PPP1R3A: variants seen among roughly 807,000 people sequenced by gnomAD.
The protein encoded by PPP1R3A is RG1.
Under a neutral mutation model 41.7 loss-of-function variants are expected in PPP1R3A, and 29 were observed. The observed-to-expected ratio is 0.70, with a 90% CI of 0.52 to 0.95. PPP1R3A has a LOEUF of 0.95. Ranked by LOEUF, PPP1R3A falls within the 40% of genes least tolerant of loss-of-function variation. PPP1R3A has a pLI of 0.00. For synonymous variants in PPP1R3A, 485 were observed against 453.4 expected (o/e 1.07, Z -0.89); for missense variants, 1,352 against 1,292.4 (o/e 1.05, Z -0.71).
intron 1 of PPP1R3A, among the ~76,000 whole-genome samples, chr7:113,909,075 C>T (rs181014597): frequency 7.2e-5 from 11 of 151,804 alleles, no homozygotes; most frequent in African/African-American, 2.4e-4. Context: ...AGTCCAAACC[C>T]CAGCCTTATG....
chr7:113,917,702 T>G (rs1797363849), intron 1 of PPP1R3A, among the ~76,000 whole-genome samples: 1 of 152,080 alleles, frequency 6.6e-6, no homozygotes, highest in Non-Finnish European at 1.5e-5. Context: ...TAAATTAACA[T>G]GTATCACTTC....
chr7:113,900,833 CTTA>C (rs1797050185), intron 1 of PPP1R3A, among the ~76,000 whole-genome samples: 1 of 149,628 alleles, frequency 6.7e-6, no homozygotes, highest in Non-Finnish European at 1.5e-5. Context: ...AAAAATATTT[CTTA>C]TAAGTACTAA....
chr7:113,896,572 A>T (rs1476904264), intron 1 of PPP1R3A, among the ~76,000 whole-genome samples: 1 of 151,908 alleles, frequency 6.6e-6, no homozygotes, highest in African/African-American at 2.4e-5. Flanking sequence ...AAACATGAGT[A>T]GCATAATTAG....
intron 1 of PPP1R3A, among the ~76,000 whole-genome samples, chr7:113,903,558 A>G (rs1313158764): frequency 1.3e-5 from 2 of 151,808 alleles, no homozygotes; most frequent in African/African-American, 4.8e-5. Flanking sequence ...GACCATTCGT[A>G]TAACATCATC....
chr7:113,883,558 A>G (rs1053172497), intron 1 of PPP1R3A, among the ~76,000 whole-genome samples: 2 of 151,966 alleles, frequency 1.3e-5, no homozygotes, highest in East Asian at 3.9e-4. Flanking sequence ...TAATTTTATT[A>G]GAAAAATATA....
intron 1 of PPP1R3A, among the ~76,000 whole-genome samples, chr7:113,915,264 T>C (rs1584422680): frequency 6.6e-6 from 1 of 151,998 alleles, no homozygotes; most frequent in East Asian, 1.9e-4. Context: ...AGAGAAAACA[T>C]AATGCCTGGG....
rs746222515 is a variant in PPP1R3A at position 113,879,340 on chromosome 7, T to A, written c.1752A>T (p.Ser584=). Residue 584 remains serine, a synonymous_variant, in exon 4 of 4, where the codon TCA becomes TCT. Transcript: ENST00000284601. ...CTTCCCAACTTAAATTTGTCCTTGG[T>A]GAATGAGACACATCTGCTGTGATTG... ...TRAITADVSH[S]PRTNLSWEEA... 6.2e-7 allele frequency: 1 copy of A among 1,613,630 alleles called. No homozygotes were observed. Among genetic ancestry groups the A allele is most frequent in the East Asian group, 2.2e-5 (1 of 44,826 alleles).
chr7:113,888,979 C>G (rs748009798), intron 1 of PPP1R3A, among the ~76,000 whole-genome samples: 1 of 152,152 alleles, frequency 6.6e-6, no homozygotes, highest in Non-Finnish European at 1.5e-5. Flanking sequence ...TCAAATATAA[C>G]AATAGTTCCC....
At chr7:113,888,828 C>T (rs1182713719) in intron 1 of PPP1R3A, among the ~76,000 whole-genome samples, 1 of 152,134 alleles carries the variant, frequency 6.6e-6, no homozygotes, top group East Asian at 1.9e-4. Context: ...TCTTACCAAC[C>T]TTTAGAAGGC....
At chr7:113,907,913 A>G (rs1797172390) in intron 1 of PPP1R3A, among the ~76,000 whole-genome samples, 1 of 151,848 alleles carries the variant, frequency 6.6e-6, no homozygotes, top group African/African-American at 2.4e-5. Context: ...CTTCGCCTAT[A>G]AATAAATTGC....
intron 1 of PPP1R3A, among the ~76,000 whole-genome samples, chr7:113,908,508 T>A (rs1046530412): frequency 7.9e-5 from 12 of 151,990 alleles, no homozygotes; most frequent in Admixed American, 7.9e-4. Context: ...TAGCTTTTAG[T>A]TAAAATTATA....
chr7:113,914,688 C>A (rs971082221), intron 1 of PPP1R3A, among the ~76,000 whole-genome samples: 1 of 152,060 alleles, frequency 6.6e-6, no homozygotes, highest in African/African-American at 2.4e-5. Flanking sequence ...TTACTGATAA[C>A]TTATTATGTT....
chr7:113,886,207 C>T (rs886205590), intron 1 of PPP1R3A, among the ~76,000 whole-genome samples: 4 of 152,006 alleles, frequency 2.6e-5, no homozygotes, highest in Admixed American at 6.6e-5. Context: ...TATGGTTTGG[C>T]TGTGTCCCCA....
rs1186195558 is a variant in PPP1R3A at position 113,880,093 on chromosome 7, A to C, written c.999T>G (p.Thr333=). The change falls in exon 4 of 4, where the codon ACT becomes ACG. Residue 333 remains threonine (T), a synonymous_variant. Coordinates refer to ENST00000284601, the MANE Select transcript of PPP1R3A (RefSeq NM_002711.4). ...INQHLIRTRS[T]ASRDERNTFS... is the part of the protein sequence containing the mutation. ...ATGTATTCCTTTCATCTCTGGAAGC[A>C]GTACTTCTGGTTCTTATTAAGTGTT... is the stretch of plus-strand genomic sequence containing the variant. The C allele has an allele frequency of 1.2e-6, 2 of 1,605,252 alleles. No individual in the cohort carries two copies. Among genetic ancestry groups the C allele is most frequent in the South Asian group, 2.2e-5 (2 of 90,872 alleles).
At chr7:113,902,248 C>A (rs938086993) in intron 1 of PPP1R3A, among the ~76,000 whole-genome samples, 4 of 151,818 alleles carry the variant, frequency 2.6e-5, no homozygotes, top group African/African-American at 9.7e-5. Context: ...CAGCCTCAGC[C>A]TCCCAAGTAT....
At chr7:113,881,982 T>G in intron 3 of PPP1R3A, 57 bp downstream of exon 3, 1 of 1,599,924 alleles carries the variant, frequency 6.3e-7, no homozygotes, top group Non-Finnish European at 8.6e-7. Flanking sequence ...CATTGCAGCA[T>G]CTTTGAAGCA....
At chr7:113,910,837 T>C (rs1797232973) in intron 1 of PPP1R3A, among the ~76,000 whole-genome samples, 1 of 152,132 alleles carries the variant, frequency 6.6e-6, no homozygotes, top group Admixed American at 6.6e-5. Context: ...ATGGTGTCAA[T>C]GGGCTAAGAA....
chr7:113,889,702 A>C (rs1796845561), intron 1 of PPP1R3A, among the ~76,000 whole-genome samples: 1 of 152,184 alleles, frequency 6.6e-6, no homozygotes, highest in Non-Finnish European at 1.5e-5. Context: ...ATAAGAAATG[A>C]ATGTTTTCCA....
chr7:113,910,003 A>G (rs1797216076), intron 1 of PPP1R3A, among the ~76,000 whole-genome samples: 1 of 152,098 alleles, frequency 6.6e-6, no homozygotes, highest in Admixed American at 6.6e-5. Flanking sequence ...TTGGCTGGGG[A>G]GGCCTCACAA....
Sources: allele counts gnomAD v4.1 joint callset (sites outside exome capture counted in the v4.1 genomes callset), GRCh38; gene constraint gnomAD v4.1.1; transcripts MANE v1.5; gene names NCBI Gene and HGNC (gene_info 2026-07-23, HGNC 2026-07-21).